Variants in WIPI2 observed in about 807,000 individuals in gnomAD.
WIPI2 encodes WD repeat domain, phosphoinositide interacting 2.
A neutral mutation model predicts 52.3 loss-of-function variants in WIPI2; 28 were observed. The ratio of observed to expected loss-of-function variants is 0.54; its 90% CI spans 0.40 to 0.73. WIPI2 has a LOEUF of 0.73. Among genes scored for constraint, WIPI2 ranks in the 30% least tolerant of loss-of-function variants. The pLI is 0.00. For missense variants in WIPI2, 506 were observed against 602.9 expected, an observed-to-expected ratio of 0.84 and a Z score of 1.68; for synonymous variants, 268 against 245.0, an observed-to-expected ratio of 1.09 and a Z score of -0.88.
chr7:5,222,480 G>T, intron 7 of WIPI2, 122 bp from the exon 8 acceptor site: 5 of 1,015,654 alleles, frequency 4.9e-6, no homozygotes, highest in Non-Finnish European at 7.6e-6. Flanking sequence ...CAGACTCCTT[G>T]GTGGCCCAGG....
intron 2 of WIPI2, among the ~76,000 whole-genome samples, chr7:5,193,656 A>G (rs928045979): frequency 6.6e-6 from 1 of 152,238 alleles, no homozygotes; most frequent in Non-Finnish European, 1.5e-5. Flanking sequence ...GCTTACTGCA[A>G]CTTTGAGTTC....
intron 3 of WIPI2, among the ~76,000 whole-genome samples, chr7:5,203,405 C>G (rs1782125929): frequency 6.6e-6 from 1 of 152,196 alleles, no homozygotes; most frequent in Non-Finnish European, 1.5e-5. Flanking sequence ...TTCTTCCCTT[C>G]CCACTCCAGA....
chr7:5,224,345 AGTGCCTT>A (rs1783312646), intron 8 of WIPI2, among the ~76,000 whole-genome samples: 1 of 152,184 alleles, frequency 6.6e-6, no homozygotes, highest in South Asian at 2.1e-4. Context: ...ATGCGTCTCT[AGTGCCTT>A]CCACGTATTT....
In WIPI2 at chr7:5,227,136, CA is replaced by C. The variant is rs762987900; in HGVS notation, c.849-43del. On this transcript the variant is annotated intron_variant, in intron 9 of 12. Transcript: ENST00000288828. This position sits in a 1 kb window ranked among gnomAD's most constrained non-coding sequence, Gnocchi z 8.1. Reference sequence around the variant, plus strand: ...TGTGAGTAGGGGGTGGCCGTCCCCCCAGGGAGGGTGCAGCTTCATGTGTCTG... The same window carrying C: ...TGTGAGTAGGGGGTGGCCGTCCCCCCGGGAGGGTGCAGCTTCATGTGTCTG... 6 of 1,610,966 alleles carry C rather than the reference CA, an allele frequency of 3.7e-6. No homozygotes were observed. The Admixed American group carries it at 5.0e-5, about 13-fold the overall frequency.
At chr7:5,229,022 G>T (rs1187209202) in intron 11 of WIPI2, among the ~76,000 whole-genome samples, 1 of 151,556 alleles carries the variant, frequency 6.6e-6, no homozygotes, top group Non-Finnish European at 1.5e-5. Context: ...CTAGCTTTTT[G>T]TGTGTGTGTG....
chr7:5,218,055 G>A lies in WIPI2; in HGVS notation c.669+41G>A, dbSNP rs114941527. On this transcript the variant is annotated intron_variant, in intron 7 of 12. Coordinates refer to ENST00000288828, the MANE Select transcript of WIPI2 (RefSeq NM_015610.4). Reference sequence around the variant, plus strand: ...CCCGGGGGAGCACTGGTGCCAAGGCGTCCACAGACTTTTTCAGTTCTGTTC... The same window carrying A: ...CCCGGGGGAGCACTGGTGCCAAGGCATCCACAGACTTTTTCAGTTCTGTTC... 657 of 1,600,672 alleles carry A rather than the reference G, an allele frequency of 4.1e-4. 4 individuals carry two copies. In the African/African-American group the frequency reaches 7.5e-3, roughly 18 times the overall value.
chr7:5,201,653 C>T (rs1274042997), intron 3 of WIPI2, among the ~76,000 whole-genome samples: 1 of 152,078 alleles, frequency 6.6e-6, no homozygotes, highest in Non-Finnish European at 1.5e-5. Context: ...GGCTGAGGCA[C>T]GAGAATCACT....
In WIPI2 at chr7:5,227,336, G is replaced by T. The variant is rs768451585; in HGVS notation, c.1005G>T (p.Ser335=). 1.2e-6 allele frequency: 2 copies of T among 1,613,202 alleles called. No homozygotes were observed. The highest frequency in any genetic ancestry group is 1.7e-6 in the Non-Finnish European group (2 of 1,180,004). Residue 335 remains serine, a synonymous_variant, in exon 10 of 13, where the codon TCG becomes TCT. Transcript: ENST00000288828. This position sits in a 1 kb window ranked among gnomAD's most constrained non-coding sequence, Gnocchi z 8.1. ...TCTGCGGCCACAAAAACATCTGCTC[G>T]CTAGCCACGTGAGTAGAGCCGGCGC... ...LPFCGHKNIC[S]LATIQKIPRL... is the part of the protein sequence containing the mutation.
intron 7 of WIPI2, among the ~76,000 whole-genome samples, chr7:5,219,726 G>T (rs982628020): frequency 2.6e-5 from 4 of 152,138 alleles, no homozygotes; most frequent in Admixed American, 2.6e-4. Context: ...CCTTTGCCGT[G>T]GTTATTTTTG....
chr7:5,210,838 C>T (rs1335636221), intron 3 of WIPI2, among the ~76,000 whole-genome samples: 2 of 152,116 alleles, frequency 1.3e-5, no homozygotes, highest in Non-Finnish European at 2.9e-5. Context: ...CAAAAGACAA[C>T]CTCGTTTTGT....
chr7:5,201,456 G>C (rs541082596), intron 3 of WIPI2, among the ~76,000 whole-genome samples: 12 of 152,248 alleles, frequency 7.9e-5, no homozygotes, highest in African/African-American at 1.4e-4. Context: ...TTTTAGAGTG[G>C]ATATTGGCCG....
chr7:5,214,430 G>A (rs28393199), intron 3 of WIPI2, 105 bp from the exon 4 acceptor site: 49,622 of 1,611,926 alleles, frequency 0.031, 909 homozygotes, highest in Middle Eastern at 0.077. Context: ...TCAGCGCTGT[G>A]CCCTGCGTGT....
intron 3 of WIPI2, 45 bp downstream of exon 3, chr7:5,199,703 A>T: frequency 1.3e-6 from 2 of 1,512,136 alleles, no homozygotes; most frequent in Non-Finnish European, 1.8e-6. Flanking sequence ...AAAAAAAAAA[A>T]AGTTGTACTT....
At chr7:5,195,541 T>C (rs192485697) in intron 2 of WIPI2, among the ~76,000 whole-genome samples, 5 of 152,232 alleles carry the variant, frequency 3.3e-5, no homozygotes, top group Middle Eastern at 3.4e-3. Flanking sequence ...AATAAATAAA[T>C]AAACATTTTT....
intron 3 of WIPI2, among the ~76,000 whole-genome samples, chr7:5,207,860 G>A (rs1782369267): frequency 6.6e-6 from 1 of 151,420 alleles, no homozygotes; most frequent in Admixed American, 6.6e-5. Flanking sequence ...CCACCTCTGG[G>A]GTTCAAGCAG....
At chr7:5,216,837 T>G (rs770788194) in intron 5 of WIPI2, 178 bp downstream of exon 5, 1 of 713,004 alleles carries the variant, frequency 1.4e-6, no homozygotes, top group Non-Finnish European at 2.3e-6. Context: ...CATAAGCTCA[T>G]TGGTTTGATC....
At position 5,230,753 on chromosome 7, in the gene WIPI2, C is replaced by T; in HGVS notation, c.1253-82C>T. The T allele has an allele frequency of 9.7e-7, 1 of 1,034,520 alleles. No individual in the cohort carries two copies. Among genetic ancestry groups the T allele is most frequent in the Non-Finnish European group, 1.4e-6 (1 of 718,242 alleles). 64.1% of individuals were successfully genotyped at this position (1,034,520 alleles called of 1,614,324 possible). On this transcript the variant is annotated intron_variant, in intron 12 of 12. Coordinates refer to ENST00000288828, the MANE Select transcript of WIPI2 (RefSeq NM_015610.4). This position sits in a 1 kb window ranked among gnomAD's most constrained non-coding sequence, Gnocchi z 4.8. The stretch of plus-strand genomic sequence containing the variant: ...GTTTATAAATATACACCAGTGTTTC[C>T]AAAACACAGTCCTCAGTGTGTGTCA...
chr7:5,222,825 C>T, intron 8 of WIPI2, 153 bp downstream of exon 8: 1 of 718,294 alleles, frequency 1.4e-6, no homozygotes, highest in South Asian at 1.7e-5. Context: ...GGGCGTCGGT[C>T]TTGTCATGGG....
intron 3 of WIPI2, among the ~76,000 whole-genome samples, chr7:5,207,983 C>G (rs911869473): frequency 3.9e-5 from 6 of 152,138 alleles, no homozygotes; most frequent in African/African-American, 1.4e-4. Flanking sequence ...CCAGGCTGGC[C>G]TGAGACTCCT....
Sources: allele counts gnomAD v4.1 joint callset (sites outside exome capture counted in the v4.1 genomes callset), GRCh38; gene constraint gnomAD v4.1.1; non-coding constraint Gnocchi (gnomAD v3.1); transcripts MANE v1.5; gene names NCBI Gene and HGNC (gene_info 2026-07-23, HGNC 2026-07-21).